The following RPL13A variants were observed in gnomAD, a reference collection of about 807,000 sequenced individuals.
The protein encoded by RPL13A is large ribosomal subunit protein uL13.
A neutral mutation model predicts 30.8 loss-of-function variants in RPL13A; 4 were observed. The observed-to-expected ratio is 0.13, with a 90% CI of 0.06 to 0.30. The LOEUF (loss-of-function observed/expected upper bound fraction) is 0.30. RPL13A is among the 10% of genes least tolerant of loss of function. The pLI, the probability that RPL13A is intolerant of heterozygous loss-of-function variation, is 1.00. For missense variants in RPL13A, 196 were observed against 272.6 expected (o/e 0.72, Z 1.98); for synonymous variants, 108 against 104.2 (o/e 1.04, Z -0.22).
chr19:49,487,732 TGCGGA>T (rs2122609884), intron 1 of RPL13A, 88 bp downstream of exon 1: 1 of 1,343,598 alleles, frequency 7.4e-7, no homozygotes, highest in East Asian at 2.9e-5. Context: ...TTGCATGTTT[TGCGGA>T]GCTTAACATC....
chr19:49,489,679 C>G (rs1372694009), intron 1 of RPL13A, among the ~76,000 whole-genome samples, 171 bp from the exon 2 acceptor site: 1 of 152,262 alleles, frequency 6.6e-6, no homozygotes, highest in Non-Finnish European at 1.5e-5. Flanking sequence ...CTTGCTTTCT[C>G]AGTCCCTGTT....
rs576371867 is a variant in RPL13A, at chr19:49,488,061, T to G, written c.15+417T>G. ...TGAGTTTTGGCCAAAATGGAAGGTA[T>G]TTTTATCCCGCTCAGTGCGCGGGCT... On this transcript the variant is annotated intron_variant, in intron 1 of 7. Transcript: ENST00000391857. 2.0e-5 allele frequency among the ~76,000 whole-genome samples: 3 copies of G among 152,240 alleles called. No homozygotes were observed. The East Asian group carries it at 5.8e-4, about 29-fold the overall frequency.
intron 1 of RPL13A, among the ~76,000 whole-genome samples, chr19:49,489,002 G>A (rs1167074203): frequency 6.6e-6 from 1 of 152,206 alleles, no homozygotes; most frequent in Non-Finnish European, 1.5e-5. Context: ...CCCTGTGCCC[G>A]GCCAGGATTT....
At chr19:49,491,289 T>C (rs564552948) in intron 6 of RPL13A, 136 bp from the exon 7 acceptor site, 2 of 1,153,248 alleles carry the variant, frequency 1.7e-6, no homozygotes, top group South Asian at 2.4e-5. Context: ...CTAACAGGCC[T>C]GCAGAGAACA....
chr19:49,487,951 T>C (rs2079823409), intron 1 of RPL13A, among the ~76,000 whole-genome samples: 1 of 151,468 alleles, frequency 6.6e-6, no homozygotes, highest in African/African-American at 2.4e-5. Context: ...TGGGGTAGAG[T>C]CTTGGCCGAA....
chr19:49,490,214 G>A lies in RPL13A; in HGVS notation c.89-18G>A. On this transcript the variant is annotated intron_variant, in intron 2 of 7. Transcript: ENST00000391857. ...CCCTCAGGCGGCTCGGCCCTGCTAA[G>A]CCTTTCCCTCCCTCTAGGCCGGAAG... 2 of 1,613,806 alleles carry A rather than the reference G, an allele frequency of 1.2e-6. No individual in the cohort carries two copies. The highest frequency in any genetic ancestry group is 1.7e-6 in the Non-Finnish European group (2 of 1,179,906).
At chr19:49,491,651 T>G (rs1258756940) in intron 7 of RPL13A, 78 bp from the exon 8 acceptor site, 12 of 1,575,140 alleles carry the variant, frequency 7.6e-6, no homozygotes, top group Admixed American at 3.8e-5. Context: ...CCAGCCGGGG[T>G]TGGGGTGGGA....
intron 2 of RPL13A, 102 bp from the exon 3 acceptor site, chr19:49,490,130 C>T: frequency 8.2e-7 from 1 of 1,226,646 alleles, no homozygotes; most frequent in South Asian, 1.2e-5. Context: ...TAAACAGGAA[C>T]TTAGCTCTGG....
In RPL13A at chr19:49,490,225, C is replaced by T. The variant is rs112075400; in HGVS notation, c.89-7C>T. ...CTCGGCCCTGCTAAGCCTTTCCCTC[C>T]CTCTAGGCCGGAAGGTGGTGGTCGT... On this transcript the variant is annotated splice_polypyrimidine_tract_variant and splice_region_variant and intron_variant, in intron 2 of 7. Transcript: ENST00000391857. The T allele has an allele frequency of 2.3e-3, 3,780 of 1,613,934 alleles. 71 individuals carry two copies. The African/African-American group carries it at 0.044, about 19-fold the overall frequency.
intron 2 of RPL13A, 41 bp downstream of exon 2, chr19:49,489,963 T>C: frequency 6.8e-7 from 1 of 1,462,652 alleles, no homozygotes. Context: ...GGGCCCCCGC[T>C]GGAGGTCAGT....
rs2079854722 is a variant in RPL13A at position 49,490,511 on chromosome 19, C to A, written c.191C>A (p.Thr64Asn). The A allele has an allele frequency of 6.2e-7, 1 of 1,614,098 alleles. No homozygotes were observed. The highest frequency in any genetic ancestry group is 8.5e-7 in the Non-Finnish European group (1 of 1,180,050). ...YLAFLRKRMN[T>N]NPSRGPYHFR... is the part of the protein sequence containing the mutation. ...GCTTTCCTCCGCAAGCGGATGAACA[C>A]CAACCCTTCCCGAGGCCCCTACCAC... Residue 64 changes from threonine (T) to asparagine (N), a missense_variant, in exon 4 of 8, where the codon ACC becomes AAC. By Grantham distance (65) the Thr-to-Asn change is moderately conservative. Coordinates refer to ENST00000391857, the MANE Select transcript of RPL13A (RefSeq NM_012423.4).
chr19:49,491,809 G>A lies in RPL13A; in HGVS notation c.606G>A (p.Leu202=). The A allele has an allele frequency of 1.2e-6, 2 of 1,605,230 alleles. No homozygotes were observed. Among genetic ancestry groups the A allele is most frequent in the Non-Finnish European group, 1.7e-6 (2 of 1,175,558 alleles). ...YTEVLKTHGL[L]V ...AGGTCCTCAAGACCCACGGACTCCTGGTCTGAGCCCAATAAAGACTGTTAA... is the reference window on the plus strand; with the variant it reads ...AGGTCCTCAAGACCCACGGACTCCTAGTCTGAGCCCAATAAAGACTGTTAA... Residue 202 remains leucine (L), a synonymous_variant, in exon 8 of 8, where the codon CTG becomes CTA. Transcript: ENST00000391857.
chr19:49,490,944 C>A (rs753291583), intron 5 of RPL13A, 80 bp downstream of exon 5: 15 of 1,603,820 alleles, frequency 9.4e-6, no homozygotes, highest in East Asian at 4.5e-5. Flanking sequence ...ATTGTTTGAT[C>A]CTCATGAAAG....
At chr19:49,490,055 ACT>A (rs1158288593) in intron 2 of RPL13A, 133 bp downstream of exon 2, 1 of 1,001,804 alleles carries the variant, frequency 1.0e-6, no homozygotes, top group South Asian at 1.3e-5. Context: ...CCTGCCAGCC[ACT>A]CTTCCCCAGG....
chr19:49,491,405 C>A lies in RPL13A; in HGVS notation c.403-20C>A, dbSNP rs749613296. ...ATCCTTACAACTTCATTTGTTCACC[C>A]CCCCCCCCCCCCCCCGCAGTTTGCC... On this transcript the variant is annotated intron_variant, in intron 6 of 7. Coordinates refer to ENST00000391857, the MANE Select transcript of RPL13A (RefSeq NM_012423.4). 4.3e-3 allele frequency: 811 copies of A among 187,534 alleles called. 41 individuals carry two copies. The highest frequency in any genetic ancestry group is 0.035 in the African/African-American group (565 of 16,316). 11.6% of individuals were successfully genotyped at this position (187,534 alleles called of 1,614,324 possible).
At chr19:49,488,857 CACG>C (rs1384414776) in intron 1 of RPL13A, among the ~76,000 whole-genome samples, 2 of 152,230 alleles carry the variant, frequency 1.3e-5, no homozygotes, top group African/African-American at 4.8e-5. Flanking sequence ...AGGTGCCTGC[CACG>C]ACGCTTGGCT....
chr19:49,490,127 G>C (rs2079850640), intron 2 of RPL13A, 105 bp from the exon 3 acceptor site: 2 of 1,196,446 alleles, frequency 1.7e-6, no homozygotes, highest in Non-Finnish European at 2.5e-6. Context: ...ATTTAAACAG[G>C]AACTTAGCTC....
At chr19:49,490,427 G>C in intron 3 of RPL13A, 48 bp from the exon 4 acceptor site, 1 of 1,602,434 alleles carries the variant, frequency 6.2e-7, no homozygotes. Flanking sequence ...GTGGGGTTTT[G>C]GGGGTGCTGG....
In RPL13A at chr19:49,492,262, C is replaced by T. The variant is rs1247004831; in HGVS notation, c.*447C>T. 1 of 159,924 alleles carries T rather than the reference C, an allele frequency of 6.3e-6. No individual in the cohort carries two copies. Among genetic ancestry groups the T allele is most frequent in the East Asian group, 1.8e-4 (1 of 5,536 alleles). 9.9% of individuals were successfully genotyped at this position (159,924 alleles called of 1,614,324 possible). The stretch of plus-strand genomic sequence containing the variant: ...CAAGGGGTTACAGGCATCGCCCATG[C>T]TCCTCACCTGTATTTTGTAATCAGA... On this transcript the variant is annotated 3_prime_UTR_variant, in exon 8 of 8. Transcript: ENST00000391857.
Sources: allele counts gnomAD v4.1 joint callset (sites outside exome capture counted in the v4.1 genomes callset), GRCh38; gene constraint gnomAD v4.1.1; transcripts MANE v1.5; gene names NCBI Gene and HGNC (gene_info 2026-07-23, HGNC 2026-07-21).